Variants in SYT4 observed in about 807,000 individuals in gnomAD.
SYT4 encodes the protein synaptotagmin-4.
In SYT4, 7 loss-of-function variants were observed where a neutral mutation model predicts 32.9. That is an observed-to-expected ratio of 0.21 (90% CI 0.12 to 0.40). The LOEUF (loss-of-function observed/expected upper bound fraction) is 0.40, where lower values mean the gene tolerates loss of function less well. Ranked by LOEUF, SYT4 falls within the 10% of genes least tolerant of loss-of-function variation. SYT4 has a pLI of 1.00. For synonymous variants in SYT4, 205 were observed against 186.2 expected, an observed-to-expected ratio of 1.10 and a Z score of -0.82; for missense variants, 480 against 488.0, an observed-to-expected ratio of 0.98 and a Z score of 0.16.
At chr18:43,270,745 C>G (rs1225280976) in intron 3 of SYT4, 97 bp from the exon 4 acceptor site, 4 of 1,304,396 alleles carry the variant, frequency 3.1e-6, no homozygotes, top group Non-Finnish European at 4.2e-6. Context: ...ATGCCAATGA[C>G]ATGTGGTTAC....
In SYT4 at chr18:43,268,762, T is replaced by C. The variant is rs143620756; in HGVS notation, c.*1579A>G. ...CAAAAAAGAGGTTGATTTTTAATCT[T>C]TGTACATACAGAATGTAATACATTT... On this transcript the variant is annotated 3_prime_UTR_variant, in exon 4 of 4. Transcript: ENST00000255224. The C allele has an allele frequency of 4.4e-3, 670 of 152,766 alleles. 3 individuals carry two copies. The highest frequency in any genetic ancestry group is 0.015 in the African/African-American group (643 of 41,580). 9.5% of individuals were successfully genotyped at this position (152,766 alleles called of 1,614,324 possible).
chr18:43,276,492 A>G (rs941968228), intron 1 of SYT4, among the ~76,000 whole-genome samples: 1 of 152,198 alleles, frequency 6.6e-6, no homozygotes, highest in African/African-American at 2.4e-5. Context: ...TCTATGAAGT[A>G]CGTCTAATTT....
At chr18:43,271,996 A>G (rs1218548887) in intron 2 of SYT4, 164 bp from the exon 3 acceptor site, 7 of 671,600 alleles carry the variant, frequency 1.0e-5, no homozygotes, top group East Asian at 3.9e-5. Flanking sequence ...GAGCAGTACC[A>G]TCGCTGCTTG....
chr18:43,277,356 G>C lies in SYT4; in HGVS notation c.-75C>G, dbSNP rs1468160959. ...GGATTCACTTGCCTGGATCTCAAGC[G>C]CCGGCTTTCGGAGCGCTGAAAACAA... On this transcript the variant is annotated 5_prime_UTR_variant, in exon 1 of 4. Transcript: ENST00000255224. 5.0e-6 allele frequency: 8 copies of C among 1,588,976 alleles called. No homozygotes were observed. The highest frequency in any genetic ancestry group is 6.0e-6 in the Non-Finnish European group (7 of 1,158,326).
intron 1 of SYT4, among the ~76,000 whole-genome samples, chr18:43,276,077 T>A (rs1277136885): frequency 6.6e-6 from 1 of 152,136 alleles, no homozygotes; most frequent in Non-Finnish European, 1.5e-5. Context: ...CTCTAAAAAT[T>A]CCTCCATATT....
Position 43,269,701 on chromosome 18 carries a change from G to A in SYT4, c.*640C>T, listed in dbSNP as rs1039761234. 6.5e-6 allele frequency: 1 copy of A among 152,918 alleles called. No individual in the cohort carries two copies. The highest frequency in any genetic ancestry group is 1.5e-5 in the Non-Finnish European group (1 of 68,268). The allele number at this position is 152,918 out of a possible 1,614,324, so 9.5% of individuals were successfully genotyped here. A position where few individuals can be genotyped will look rare whatever the true frequency, so the allele number is the denominator to read the frequency against. On this transcript the variant is annotated 3_prime_UTR_variant, in exon 4 of 4. Coordinates refer to ENST00000255224, the MANE Select transcript of SYT4 (RefSeq NM_020783.4). ...AGAAAAATTATATTTCAGCCACAGT[G>A]TTCTCAACTCAGCCCTTTGATAAAA...
chr18:43,271,921 T>C, intron 2 of SYT4, 89 bp from the exon 3 acceptor site: 1 of 1,327,560 alleles, frequency 7.5e-7, no homozygotes, highest in Non-Finnish European at 1.0e-6. Context: ...CATCGTCATT[T>C]AAATATAATC....
chr18:43,268,776 T>G lies in SYT4; in HGVS notation c.*1565A>C, dbSNP rs1481695759. ...ATTTTTAATCTTTGTACATACAGAA[T>G]GTAATACATTTTCTTTACATTAGGC... On this transcript the variant is annotated 3_prime_UTR_variant, in exon 4 of 4. Coordinates refer to ENST00000255224, the MANE Select transcript of SYT4 (RefSeq NM_020783.4). The G allele has an allele frequency of 6.6e-5, 10 of 152,626 alleles. No homozygotes were observed. Among genetic ancestry groups the G allele is most frequent in the Non-Finnish European group, 1.2e-4 (8 of 68,040 alleles). The allele number at this position is 152,626 out of a possible 1,614,324, so 9.5% of individuals were successfully genotyped here.
rs532663576 is a variant in SYT4, at chr18:43,277,431, G to T, written c.-150C>A. On this transcript the variant is annotated 5_prime_UTR_variant, in exon 1 of 4. Coordinates refer to ENST00000255224, the MANE Select transcript of SYT4 (RefSeq NM_020783.4). The stretch of plus-strand genomic sequence containing the variant: ...TCCTGGAACAGGGAGGAGGCAAAGA[G>T]GGAGGTCCACTCGCCCTCGCACAGT... The T allele has an allele frequency of 1.7e-4, 141 of 827,472 alleles. No homozygotes were observed. The highest frequency in any genetic ancestry group is 6.7e-4 in the Middle Eastern group (2 of 2,974). The allele number at this position is 827,472 out of a possible 1,614,324, so 51.3% of individuals were successfully genotyped here. A position where few individuals can be genotyped will look rare whatever the true frequency, so the allele number is the denominator to read the frequency against.
chr18:43,272,366 G>T (rs1280155143), intron 2 of SYT4, among the ~76,000 whole-genome samples: 1 of 152,084 alleles, frequency 6.6e-6, no homozygotes, highest in African/African-American at 2.4e-5. Context: ...GGCCCAGAGG[G>T]ATAATGGAGT....
chr18:43,272,000 C>T, intron 2 of SYT4, 168 bp from the exon 3 acceptor site: 2 of 650,060 alleles, frequency 3.1e-6, no homozygotes, highest in Non-Finnish European at 4.5e-6. Flanking sequence ...AGTACCATCG[C>T]TGCTTGAAAA....
At position 43,270,017 on chromosome 18, in the gene SYT4, T is replaced by C. The variant is rs1047185123; in HGVS notation, c.*324A>G. The C allele has an allele frequency of 3.0e-5, 8 of 269,668 alleles. No individual in the cohort carries two copies. Among genetic ancestry groups the C allele is most frequent in the Non-Finnish European group, 4.9e-5 (7 of 142,232 alleles). The allele number at this position is 269,668 out of a possible 1,614,324, so 16.7% of individuals were successfully genotyped here. A position where few individuals can be genotyped will look rare whatever the true frequency, so the allele number is the denominator to read the frequency against. ...AATCACATTAACTTTTTGTGACATG[T>C]TCCAATGAGATTGTCACATTTATAA... On this transcript the variant is annotated 3_prime_UTR_variant, in exon 4 of 4. Coordinates refer to ENST00000255224, the MANE Select transcript of SYT4 (RefSeq NM_020783.4).
chr18:43,275,447 T>G (rs950284278), intron 1 of SYT4, among the ~76,000 whole-genome samples: 1 of 152,140 alleles, frequency 6.6e-6, no homozygotes, highest in African/African-American at 2.4e-5. Context: ...ATCATCAAAG[T>G]GAAAATAACT....
chr18:43,274,321 G>A lies in SYT4; in HGVS notation c.108C>T (p.Ile36=), dbSNP rs745402443. Residue 36 remains isoleucine, a synonymous_variant, in exon 2 of 4, where the codon ATC becomes ATT. Coordinates refer to ENST00000255224, the MANE Select transcript of SYT4 (RefSeq NM_020783.4). ...ACTTGGATGATTTTCTCTGACAGCA[G>A]ATCCATGCAAAGAGAGAGACTGTGA... ...LVFTVSLFAW[I]CCQRKSSKSN... 6.8e-6 allele frequency: 11 copies of A among 1,613,422 alleles called. No individual in the cohort carries two copies. Among genetic ancestry groups the A allele is most frequent in the Admixed American group, 3.3e-5 (2 of 59,990 alleles).
intron 2 of SYT4, 144 bp downstream of exon 2, chr18:43,273,436 A>C: frequency 1.7e-6 from 1 of 580,756 alleles, no homozygotes; most frequent in Non-Finnish European, 2.9e-6. Context: ...TATTCCCTTG[A>C]TCTCCATTAG....
rs1030351640 is a variant in SYT4, at chr18:43,270,465, T to C, written c.1154A>G (p.Asn385Ser). 1.2e-6 allele frequency: 2 copies of C among 1,614,016 alleles called. No individual in the cohort carries two copies. Among genetic ancestry groups the C allele is most frequent in the African/African-American group, 2.7e-5 (2 of 74,924 alleles). ...LVLDSERGSR[N>S]EVIGQLVLGA... ...CAAGACTAACTGCCCGATTACCTCA[T>C]TTCGGGACCCCCTTTCAGAATCCAA... Residue 385 changes from asparagine (N) to serine (S), a missense_variant, in exon 4 of 4, where the codon AAT (asparagine) becomes AGT (serine). Asn to Ser is a conservative substitution (Grantham distance 46, BLOSUM62 1). Coordinates refer to ENST00000255224, the MANE Select transcript of SYT4 (RefSeq NM_020783.4).
chr18:43,277,372 C>G lies in SYT4; in HGVS notation c.-91G>C, dbSNP rs1908829791. ...ATCTCAAGCGCCGGCTTTCGGAGCG[C>G]TGAAAACAACAGCGCAGAGCCCAGG... On this transcript the variant is annotated 5_prime_UTR_variant, in exon 1 of 4. Transcript: ENST00000255224. 1 of 1,520,566 alleles carries G rather than the reference C, an allele frequency of 6.6e-7. No homozygotes were observed. The highest frequency in any genetic ancestry group is 9.1e-7 in the Non-Finnish European group (1 of 1,096,600). The allele number at this position is 1,520,566 out of a possible 1,614,324, so 94.2% of individuals were successfully genotyped here.
rs1908577074 is a variant in SYT4 at position 43,270,020 on chromosome 18, C to T, written c.*321G>A. 2 of 273,724 alleles carry T rather than the reference C, an allele frequency of 7.3e-6. No individual in the cohort carries two copies. Among genetic ancestry groups the T allele is most frequent in the Admixed American group, 4.8e-5 (1 of 20,806 alleles). 17.0% of individuals were successfully genotyped at this position (273,724 alleles called of 1,614,324 possible). Reference sequence around the variant, plus strand: ...CACATTAACTTTTTGTGACATGTTCCAATGAGATTGTCACATTTATAATTT... The same window carrying T: ...CACATTAACTTTTTGTGACATGTTCTAATGAGATTGTCACATTTATAATTT... On this transcript the variant is annotated 3_prime_UTR_variant, in exon 4 of 4. Coordinates refer to ENST00000255224, the MANE Select transcript of SYT4 (RefSeq NM_020783.4).
At chr18:43,275,591 A>G (rs1435471098) in intron 1 of SYT4, among the ~76,000 whole-genome samples, 2 of 152,076 alleles carry the variant, frequency 1.3e-5, no homozygotes, top group African/African-American at 4.8e-5. Flanking sequence ...GTCTTTTGTT[A>G]CTTCCCTTCC....
Sources: allele counts gnomAD v4.1 joint callset (sites outside exome capture counted in the v4.1 genomes callset), GRCh38; gene constraint gnomAD v4.1.1; transcripts MANE v1.5; gene names NCBI Gene and HGNC (gene_info 2026-07-23, HGNC 2026-07-21).